Variants in ZDHHC2 observed in about 807,000 individuals in gnomAD.
The protein encoded by ZDHHC2 is zDHHC palmitoyltransferase 2, also known as palmitoyltransferase ZDHHC2.
In ZDHHC2, 51 loss-of-function variants were observed where a neutral mutation model predicts 55.6. That is an observed-to-expected ratio of 0.92 (90% CI 0.73 to 1.16). The LOEUF (loss-of-function observed/expected upper bound fraction) is 1.16. Among genes scored for constraint, ZDHHC2 ranks in the 50% most tolerant of loss-of-function variants. ZDHHC2 has a pLI of 0.00. For synonymous variants in ZDHHC2, 199 were observed against 152.9 expected (o/e 1.30, Z -2.22); for missense variants, 491 against 442.4 (o/e 1.11, Z -0.99).
chr8:17,219,107 G>A (rs2904684), intron 12 of ZDHHC2, among the ~76,000 whole-genome samples: 80,046 of 151,548 alleles, frequency 0.53, 25,450 homozygotes, highest in Non-Finnish European at 0.73. Flanking sequence ...AAAATTAGAC[G>A]GATGTGGTGT....
intron 1 of ZDHHC2, among the ~76,000 whole-genome samples, chr8:17,157,119 C>A (rs1330317896): frequency 1.3e-5 from 2 of 152,082 alleles, no homozygotes; most frequent in Non-Finnish European, 2.9e-5. Flanking sequence ...CTTCCGCTCA[C>A]CGCCGCCGCC....
rs1326758298 is a variant in ZDHHC2, at chr8:17,224,505, G to A, written c.*4284G>A. ...GATTTATGTTGCATCTTCCGGGGAAGGTTTAACAGTACAAGGAGCTGAATC... is the reference window on the plus strand; with the variant it reads ...GATTTATGTTGCATCTTCCGGGGAAAGTTTAACAGTACAAGGAGCTGAATC... On this transcript the variant is annotated 3_prime_UTR_variant, in exon 13 of 13. Transcript: ENST00000262096. 2 of 151,552 alleles carry A rather than the reference G, an allele frequency of 1.3e-5. No individual in the cohort carries two copies. The highest frequency in any genetic ancestry group is 6.6e-5 in the Admixed American group (1 of 15,192). 9.4% of individuals were successfully genotyped at this position (151,552 alleles called of 1,614,324 possible). A position where few individuals can be genotyped will look rare whatever the true frequency, so the allele number is the denominator to read the frequency against.
intron 6 of ZDHHC2, among the ~76,000 whole-genome samples, chr8:17,199,855 G>A (rs11991715): frequency 0.44 from 65,696 of 150,272 alleles, 14,757 homozygotes; most frequent in Middle Eastern, 0.52. Flanking sequence ...TGCCTCCCGG[G>A]TTCAAGCGAT....
intron 3 of ZDHHC2, among the ~76,000 whole-genome samples, chr8:17,190,289 A>G (rs527687950): frequency 1.3e-5 from 2 of 152,228 alleles, no homozygotes; most frequent in East Asian, 3.9e-4. Flanking sequence ...AATATATACC[A>G]ATAAATACTC....
At chr8:17,207,887 C>T in intron 7 of ZDHHC2, 73 bp from the exon 8 acceptor site, 2 of 1,169,112 alleles carry the variant, frequency 1.7e-6, no homozygotes. Context: ...AAAAATCTTA[C>T]TAATTTACTT....
chr8:17,189,720 A>T lies in ZDHHC2; in HGVS notation c.252+3295A>T, dbSNP rs374988690. 8.5e-5 allele frequency among the ~76,000 whole-genome samples: 13 copies of T among 152,346 alleles called. 1 individual carries two copies. In the East Asian group the frequency reaches 1.9e-3, roughly 23 times the overall value. On this transcript the variant is annotated intron_variant, in intron 3 of 12. Transcript: ENST00000262096. Reference sequence around the variant, plus strand: ...GGATTGGACAGAGTGGCAAAAGGATATGAAACACACGGAAGAAAGAACACA... The same window carrying T: ...GGATTGGACAGAGTGGCAAAAGGATTTGAAACACACGGAAGAAAGAACACA...
At chr8:17,162,809 C>G (rs1255838558) in intron 1 of ZDHHC2, 1 of 152,220 alleles carries the variant, frequency 6.6e-6, no homozygotes, top group Non-Finnish European at 1.5e-5. Context: ...AAACGTCTCA[C>G]TCCTAGACAT....
At chr8:17,201,872 A>T (rs1197231626) in intron 6 of ZDHHC2, among the ~76,000 whole-genome samples, 1 of 151,998 alleles carries the variant, frequency 6.6e-6, no homozygotes, top group East Asian at 1.9e-4. Flanking sequence ...TATTTGAAAC[A>T]TTGGATCAAC....
chr8:17,164,596 T>TA (rs1232206818), intron 1 of ZDHHC2, among the ~76,000 whole-genome samples: 2,614 of 134,456 alleles, frequency 0.019, 61 homozygotes, highest in South Asian at 0.12. Context: ...CACTAAACAA[T>TA]AAAAAAAAAA....
chr8:17,185,934 C>G (rs1420509536), intron 2 of ZDHHC2, among the ~76,000 whole-genome samples: 1 of 152,202 alleles, frequency 6.6e-6, no homozygotes, highest in Non-Finnish European at 1.5e-5. Flanking sequence ...CCTTTGTTAT[C>G]TGTGTCAGTA....
chr8:17,197,733 G>A (rs552035151), intron 5 of ZDHHC2, 82 bp downstream of exon 5: 3 of 1,405,258 alleles, frequency 2.1e-6, no homozygotes, highest in Non-Finnish European at 2.0e-6. Context: ...CTGTTTTCCT[G>A]ATTATCTTCT....
At chr8:17,191,415 T>G (rs1806021446) in intron 3 of ZDHHC2, among the ~76,000 whole-genome samples, 1 of 152,192 alleles carries the variant, frequency 6.6e-6, no homozygotes, top group African/African-American at 2.4e-5. Context: ...TCTTTCTAAC[T>G]TTTTTGGTTT....
Position 17,224,106 on chromosome 8 carries a change from A to G in ZDHHC2, c.*3885A>G, listed in dbSNP as rs1808028198. 1 of 151,676 alleles carries G rather than the reference A, an allele frequency of 6.6e-6. No homozygotes were observed. Among genetic ancestry groups the G allele is most frequent in the South Asian group, 2.1e-4 (1 of 4,822 alleles). The allele number at this position is 151,676 out of a possible 1,614,324, so 9.4% of individuals were successfully genotyped here. A position where few individuals can be genotyped will look rare whatever the true frequency, so the allele number is the denominator to read the frequency against. Reference sequence around the variant, plus strand: ...CTATGATGATGCAGTCCAGGTATCTAATAGCTCAATCACCAACACCGCTGA... The same window carrying G: ...CTATGATGATGCAGTCCAGGTATCTGATAGCTCAATCACCAACACCGCTGA... On this transcript the variant is annotated 3_prime_UTR_variant, in exon 13 of 13. Coordinates refer to ENST00000262096, the MANE Select transcript of ZDHHC2 (RefSeq NM_016353.5).
chr8:17,182,881 C>T (rs897816470), intron 1 of ZDHHC2, among the ~76,000 whole-genome samples: 1 of 152,148 alleles, frequency 6.6e-6, no homozygotes, highest in African/African-American at 2.4e-5. Context: ...CCTGCCTCAG[C>T]CTCCAAGTAG....
intron 3 of ZDHHC2, among the ~76,000 whole-genome samples, chr8:17,189,033 C>T (rs761361268): frequency 2.6e-5 from 4 of 151,810 alleles, no homozygotes; most frequent in African/African-American, 7.3e-5. Flanking sequence ...GCTCCCACCC[C>T]GGTCCAAGCC....
rs973383275 is a variant in ZDHHC2 at position 17,220,377 on chromosome 8, G to A, written c.*156G>A. 1 of 151,150 alleles carries A rather than the reference G, an allele frequency of 6.6e-6. No individual in the cohort carries two copies. The highest frequency in any genetic ancestry group is 2.4e-5 in the African/African-American group (1 of 41,396). 9.4% of individuals were successfully genotyped at this position (151,150 alleles called of 1,614,324 possible). The stretch of plus-strand genomic sequence containing the variant: ...ATTGATTAGTTCTCTCCAAGCCATT[G>A]CTTAAAATATAACATGTTTTGGATC... On this transcript the variant is annotated 3_prime_UTR_variant, in exon 13 of 13. Coordinates refer to ENST00000262096, the MANE Select transcript of ZDHHC2 (RefSeq NM_016353.5).
chr8:17,186,251 A>T (rs950435834), intron 2 of ZDHHC2, 80 bp from the exon 3 acceptor site: 26 of 908,050 alleles, frequency 2.9e-5, no homozygotes, highest in Non-Finnish European at 3.2e-5. Context: ...TTATTTTAAA[A>T]CAAGCAGATC....
intron 10 of ZDHHC2, among the ~76,000 whole-genome samples, chr8:17,214,536 A>G (rs563138723): frequency 6.6e-6 from 1 of 152,278 alleles, no homozygotes; most frequent in Admixed American, 6.5e-5. Context: ...TTAAATTGGC[A>G]CTTATGCTTT....
chr8:17,180,191 A>G (rs1276103060), intron 1 of ZDHHC2, among the ~76,000 whole-genome samples: 3 of 152,146 alleles, frequency 2.0e-5, no homozygotes, highest in African/African-American at 7.2e-5. Flanking sequence ...GTTTTTATTC[A>G]TTAAGTTAAA....
Sources: gnomAD v4.1 joint callset for allele counts (sites outside exome capture counted in the v4.1 genomes callset) on GRCh38, gnomAD v4.1.1 for gene constraint, MANE v1.5 for transcripts, NCBI Gene and HGNC (gene_info 2026-07-23, HGNC 2026-07-21) for gene names.